DACH2: variants seen among roughly 807,000 people sequenced by gnomAD.
DACH2 encodes dachshund family transcription factor 2.
DACH2 carries 17 observed loss-of-function variants against 35.8 expected under a neutral mutation model. The ratio of observed to expected loss-of-function variants is 0.48; its 90% confidence interval spans 0.33 to 0.71. The LOEUF (loss-of-function observed/expected upper bound fraction) is 0.71. Ranked by LOEUF, DACH2 falls within the 30% of genes least tolerant of loss-of-function variation. DACH2 has a pLI of 0.02. For missense variants in DACH2, 469 were observed against 472.7 expected (o/e 0.99, Z 0.07); for synonymous variants, 195 against 177.3 (o/e 1.10, Z -0.79).
intron 1 of DACH2, among the ~76,000 whole-genome samples, chrX:86,257,615 C>T (rs1490310643): frequency 1.8e-5 from 2 of 111,076 alleles, no homozygotes; most frequent in South Asian, 7.6e-4. Context: ...ACTATATTTC[C>T]CAGGCTGGTC....
At chrX:86,318,784 A>G (rs1346917079) in intron 1 of DACH2, among the ~76,000 whole-genome samples, 1 of 111,528 alleles carries the variant, frequency 9.0e-6, no homozygotes, top group Non-Finnish European at 1.9e-5. Context: ...CTTGAGACTA[A>G]AGTTTGATTT....
chrX:86,551,485 A>G (rs1323894535), intron 3 of DACH2, among the ~76,000 whole-genome samples: 2 of 112,268 alleles, frequency 1.8e-5, no homozygotes, highest in East Asian at 5.6e-4. Flanking sequence ...CAATTTTACG[A>G]CAAGATGTAA....
chrX:86,473,873 G>A (rs1260176126), intron 2 of DACH2, among the ~76,000 whole-genome samples: 4 of 110,904 alleles, frequency 3.6e-5, no homozygotes, highest in Non-Finnish European at 7.6e-5. Flanking sequence ...CTTTCATTTG[G>A]GTATATACTC....
intron 3 of DACH2, among the ~76,000 whole-genome samples, chrX:86,565,235 C>T (rs2039278886): frequency 1.8e-5 from 2 of 111,565 alleles, no homozygotes; most frequent in Admixed American, 1.9e-4. Context: ...TTCTTAGACA[C>T]TCCCCATGAA....
At chrX:86,771,404 A>T (rs1430732615) in intron 7 of DACH2, among the ~76,000 whole-genome samples, 4 of 112,806 alleles carry the variant, frequency 3.5e-5, no homozygotes, top group African/African-American at 1.3e-4. Context: ...TATTTGAATA[A>T]GAGTTAGCAA....
intron 2 of DACH2, among the ~76,000 whole-genome samples, chrX:86,453,466 T>A (rs1389246671): frequency 8.9e-6 from 1 of 111,785 alleles, no homozygotes; most frequent in Non-Finnish European, 1.9e-5. Flanking sequence ...TGTAGGTCTC[T>A]AAGAACTTGC....
intron 3 of DACH2, among the ~76,000 whole-genome samples, chrX:86,627,943 CT>C (rs1467223849): frequency 1.8e-5 from 2 of 112,367 alleles, no homozygotes; most frequent in Non-Finnish European, 3.8e-5. Context: ...GCACTTCTCA[CT>C]TTTGTTGTTA....
intron 3 of DACH2, among the ~76,000 whole-genome samples, chrX:86,591,143 C>T (rs1328055950): frequency 9.0e-6 from 1 of 111,508 alleles, no homozygotes; most frequent in Non-Finnish European, 1.9e-5. Flanking sequence ...CTTTGTAGGA[C>T]ATGTGAACTC....
intron 1 of DACH2, among the ~76,000 whole-genome samples, chrX:86,317,488 A>G (rs969077089): frequency 2.4e-4 from 27 of 112,481 alleles, no homozygotes; most frequent in African/African-American, 7.8e-4. Flanking sequence ...AAATGTAGGC[A>G]AAAACTTAAA....
At chrX:86,621,483 T>C (rs1309867882) in intron 3 of DACH2, among the ~76,000 whole-genome samples, 2 of 111,479 alleles carry the variant, frequency 1.8e-5, no homozygotes, top group Non-Finnish European at 3.8e-5. Flanking sequence ...AATTTATTGC[T>C]CTAGTTTTGA....
At chrX:86,583,782 A>AGT (rs1162276307) in intron 3 of DACH2, among the ~76,000 whole-genome samples, 8 of 107,964 alleles carry the variant, frequency 7.4e-5, no homozygotes, top group South Asian at 3.9e-4. Flanking sequence ...TGTGTGTGTG[A>AGT]GTGTGTGTGT....
chrX:86,790,425 A>G (rs1400591350), intron 7 of DACH2, among the ~76,000 whole-genome samples: 6 of 112,354 alleles, frequency 5.3e-5, no homozygotes, highest in African/African-American at 1.9e-4. Context: ...TTTTCTAAAT[A>G]TTATAACTTA....
intron 1 of DACH2, among the ~76,000 whole-genome samples, chrX:86,293,570 C>A (rs1226515078): frequency 9.1e-6 from 1 of 109,853 alleles, no homozygotes; most frequent in Non-Finnish European, 1.9e-5. Flanking sequence ...ACCGGTTGTT[C>A]CTTTCCATGT....
intron 1 of DACH2, among the ~76,000 whole-genome samples, chrX:86,254,781 A>AATAAAT (rs1293621423): frequency 3.5e-4 from 8 of 22,592 alleles, no homozygotes; most frequent in Admixed American, 1.8e-3. Context: ...CAAATAAATA[A>AATAAAT]ATATATATAT....
chrX:86,633,082 A>AAAC (rs199777709), intron 3 of DACH2, among the ~76,000 whole-genome samples: 3,216 of 110,683 alleles, frequency 0.029, 138 homozygotes, highest in African/African-American at 0.1. Flanking sequence ...ACAAACAAAC[A>AAAC]AACAAACAAA....
intron 7 of DACH2, among the ~76,000 whole-genome samples, chrX:86,790,411 C>T (rs1172106294): frequency 8.9e-6 from 1 of 111,940 alleles, no homozygotes; most frequent in African/African-American, 3.2e-5. Flanking sequence ...ATTTAAAATT[C>T]TGTTTTTCTA....
At chrX:86,427,562 T>G (rs751759792) in intron 2 of DACH2, among the ~76,000 whole-genome samples, 1 of 111,358 alleles carries the variant, frequency 9.0e-6, no homozygotes, top group East Asian at 2.8e-4. Flanking sequence ...AGACTATGGC[T>G]CCTTATTACT....
At chrX:86,610,218 C>T (rs2039912089) in intron 3 of DACH2, among the ~76,000 whole-genome samples, 1 of 110,938 alleles carries the variant, frequency 9.0e-6, no homozygotes, top group African/African-American at 3.3e-5. Context: ...GCAAAGCTGC[C>T]TCTTCCTGTG....
intron 11 of DACH2, among the ~76,000 whole-genome samples, chrX:86,816,867 AAAAT>A (rs2042458684): frequency 8.9e-6 from 1 of 112,083 alleles, no homozygotes; most frequent in Non-Finnish European, 1.9e-5. Flanking sequence ...ACTCTAATAA[AAAAT>A]AAAGAACATT....
Sources: allele counts gnomAD v4.1 joint callset (sites outside exome capture counted in the v4.1 genomes callset), GRCh38; gene constraint gnomAD v4.1.1; transcripts MANE v1.5; gene names NCBI Gene and HGNC (gene_info 2026-07-23, HGNC 2026-07-21).